Variants in NBAS observed in about 807,000 individuals in gnomAD.
NBAS encodes the protein NBAS subunit of NRZ tethering complex.
A neutral mutation model predicts 302.5 loss-of-function variants in NBAS; 219 were observed. The ratio of observed to expected loss-of-function variants is 0.72; its 90% CI spans 0.65 to 0.81. The LOEUF (loss-of-function observed/expected upper bound fraction) is 0.81, where lower values mean the gene tolerates loss of function less well. NBAS is among the 30% of genes least tolerant of loss of function. NBAS has a pLI of 0.00. For synonymous variants in NBAS, 1,118 were observed against 1,021.6 expected, an observed-to-expected ratio of 1.09 and a Z score of -1.80; for missense variants, 2,932 against 2,841.6, an observed-to-expected ratio of 1.03 and a Z score of -0.72.
At chr2:15,100,293 T>C in the NBAS span, among the ~76,000 whole-genome samples, 1 of 152,178 alleles carries the variant, frequency 6.6e-6, no homozygotes, top group African/African-American at 2.4e-5. Context: ...ACAGGATCAC[T>C]GTAGAACCAC....
chr2:15,258,132 T>C (rs1193079055), intron 44 of NBAS, among the ~76,000 whole-genome samples: 1 of 152,210 alleles, frequency 6.6e-6, no homozygotes, highest in Non-Finnish European at 1.5e-5. Flanking sequence ...GAAGATTTCA[T>C]GGACATTTAT....
chr2:15,398,260 C>T (rs1572783351), intron 26 of NBAS, among the ~76,000 whole-genome samples: 1 of 152,222 alleles, frequency 6.6e-6, no homozygotes, highest in East Asian at 1.9e-4. Context: ...CCTCCTGGCT[C>T]AGCCTTCCAA....
the NBAS span, among the ~76,000 whole-genome samples, chr2:15,069,402 T>A: frequency 3.9e-5 from 6 of 152,178 alleles, no homozygotes; most frequent in African/African-American, 1.4e-4. Context: ...CCAGTGTTGT[T>A]CTCAACCCTT....
At chr2:15,476,676 C>CTACA (rs1366359226) in intron 13 of NBAS, among the ~76,000 whole-genome samples, 4 of 152,002 alleles carry the variant, frequency 2.6e-5, no homozygotes, top group African/African-American at 9.7e-5. Flanking sequence ...GATGGTGCCA[C>CTACA]TACACTCCAG....
chr2:15,012,233 A>G, the NBAS span, among the ~76,000 whole-genome samples: 36 of 152,182 alleles, frequency 2.4e-4, no homozygotes, highest in African/African-American at 8.2e-4. Flanking sequence ...ACGTTTTTAA[A>G]TCAAAAATCC....
At chr2:15,153,093 G>GA in the NBAS span, among the ~76,000 whole-genome samples, 1 of 152,120 alleles carries the variant, frequency 6.6e-6, no homozygotes, top group Non-Finnish European at 1.5e-5. Flanking sequence ...CTCCAAGTCA[G>GA]AAAAATAGAG....
the NBAS span, among the ~76,000 whole-genome samples, chr2:14,887,748 T>C: frequency 3.9e-5 from 6 of 152,242 alleles, no homozygotes; most frequent in African/African-American, 1.4e-4. Context: ...TCATGCCATC[T>C]TCACAGATCT....
At chr2:15,093,183 A>G in the NBAS span, among the ~76,000 whole-genome samples, 1 of 152,276 alleles carries the variant, frequency 6.6e-6, no homozygotes, top group South Asian at 2.1e-4. Flanking sequence ...TGGGAGGCGG[A>G]GGCGGGCAGA....
At chr2:15,383,184 A>T (rs80162900) in intron 29 of NBAS, 31 bp downstream of exon 29, 1 of 201,994 alleles carries the variant, frequency 5.0e-6, no homozygotes, top group Non-Finnish European at 9.1e-6. Context: ...TTGTTAAATT[A>T]AAAAAAAATC....
At chr2:15,196,296 A>T (rs1296232301) in intron 48 of NBAS, among the ~76,000 whole-genome samples, 1 of 152,174 alleles carries the variant, frequency 6.6e-6, no homozygotes, top group Non-Finnish European at 1.5e-5. Context: ...CACTAAATAC[A>T]CACAAAGACA....
intron 35 of NBAS, among the ~76,000 whole-genome samples, chr2:15,332,587 G>A (rs1672402776): frequency 6.6e-6 from 1 of 150,898 alleles, no homozygotes; most frequent in Non-Finnish European, 1.5e-5. Flanking sequence ...GCATTAGAAA[G>A]TGCAAAAACC....
intron 34 of NBAS, among the ~76,000 whole-genome samples, chr2:15,352,589 C>A (rs1673417005): frequency 6.6e-6 from 1 of 152,138 alleles, no homozygotes; most frequent in Admixed American, 6.5e-5. Flanking sequence ...CCCCTTCTCT[C>A]CTGATTCTTC....
downstream of NBAS, among the ~76,000 whole-genome samples, chr2:15,163,643 G>A (rs1159755210): frequency 6.6e-6 from 1 of 152,124 alleles, no homozygotes; most frequent in Non-Finnish European, 1.5e-5. Context: ...TAACCTAAGT[G>A]ATGCCATAAT....
At chr2:14,952,734 C>T in the NBAS span, among the ~76,000 whole-genome samples, 1 of 152,218 alleles carries the variant, frequency 6.6e-6, no homozygotes, top group Non-Finnish European at 1.5e-5. Flanking sequence ...GTCAGAAACA[C>T]CCAGCACCCA....
intron 47 of NBAS, among the ~76,000 whole-genome samples, chr2:15,229,996 T>C (rs1399114917): frequency 6.6e-6 from 1 of 152,038 alleles, no homozygotes; most frequent in Non-Finnish European, 1.5e-5. Context: ...TCTGAAGATG[T>C]ATATGAGTGA....
In NBAS at chr2:15,356,423, G is replaced by A; in HGVS notation, c.3818-7C>T. ...CTTTCTTCTGGGTTCTCACCTGTAA[G>A]TCCAAGCAAAGGACTTAATGATTAT... On this transcript the variant is annotated splice_polypyrimidine_tract_variant and splice_region_variant and intron_variant, in intron 32 of 51. Transcript: ENST00000281513. The A allele has an allele frequency of 6.2e-7, 1 of 1,604,158 alleles. No individual in the cohort carries two copies. Among genetic ancestry groups the A allele is most frequent in the Non-Finnish European group, 8.5e-7 (1 of 1,171,074 alleles).
intron 35 of NBAS, among the ~76,000 whole-genome samples, chr2:15,344,011 C>T (rs1249623059): frequency 9.4e-6 from 1 of 106,564 alleles, no homozygotes; most frequent in African/African-American, 3.4e-5. Context: ...AAAAACAAAA[C>T]AAAATAAAAA....
the NBAS span, among the ~76,000 whole-genome samples, chr2:15,085,024 C>G: frequency 6.6e-6 from 1 of 152,170 alleles, no homozygotes; most frequent in East Asian, 1.9e-4. Context: ...GACAGCGCCC[C>G]ACCTCCTCTC....
chr2:15,517,492 G>C (rs1335015457), intron 9 of NBAS, among the ~76,000 whole-genome samples: 3 of 151,994 alleles, frequency 2.0e-5, no homozygotes, highest in Non-Finnish European at 4.4e-5. Context: ...AGGGAATTTT[G>C]TTTGTATTAT....
Sources: allele counts gnomAD v4.1 joint callset (sites outside exome capture counted in the v4.1 genomes callset), GRCh38; gene constraint gnomAD v4.1.1; transcripts MANE v1.5; gene names NCBI Gene and HGNC (gene_info 2026-07-23, HGNC 2026-07-21).